DSCC1: variants seen among roughly 807,000 people sequenced by gnomAD.
DSCC1 encodes sister chromatid cohesion protein DCC1.
Under a neutral mutation model 48.2 loss-of-function variants are expected in DSCC1, and 32 were observed. The ratio of observed to expected loss-of-function variants is 0.66; its 90% confidence interval spans 0.50 to 0.89. The LOEUF (loss-of-function observed/expected upper bound fraction) is 0.89. Among genes scored for constraint, DSCC1 ranks in the 40% least tolerant of loss-of-function variants. The pLI, the probability that DSCC1 is intolerant of heterozygous loss-of-function variation, is 0.00. For synonymous variants in DSCC1, 150 were observed against 171.5 expected, an observed-to-expected ratio of 0.87 and a Z score of 0.98; for missense variants, 421 against 471.7, an observed-to-expected ratio of 0.89 and a Z score of 1.00.
intron 7 of DSCC1, among the ~76,000 whole-genome samples, chr8:119,841,078 G>A (rs781691851): frequency 3.3e-5 from 5 of 151,314 alleles, no homozygotes; most frequent in Non-Finnish European, 5.9e-5. Context: ...TGCAACCTCC[G>A]CCTCCCAGGT....
intron 2 of DSCC1, 166 bp downstream of exon 2, chr8:119,852,880 CA>C (rs2131311973): frequency 1.8e-6 from 1 of 550,262 alleles, no homozygotes; most frequent in East Asian, 3.4e-5. Context: ...CTCCAACAAA[CA>C]AGCAATAATA....
chr8:119,850,294 A>T (rs562376861), intron 3 of DSCC1, 88 bp downstream of exon 3: 1 of 1,360,810 alleles, frequency 7.3e-7, no homozygotes, highest in East Asian at 2.5e-5. Context: ...GCTATATAAC[A>T]TAAATTTTAA....
intron 8 of DSCC1, 44 bp from the exon 9 acceptor site, chr8:119,835,045 AC>A: frequency 7.7e-7 from 1 of 1,293,628 alleles, no homozygotes; most frequent in Non-Finnish European, 1.1e-6. Context: ...ATTTTAGGGA[AC>A]ATATTATGAT....
intron 7 of DSCC1, chr8:119,839,833 C>T (rs1238192401): frequency 6.6e-6 from 1 of 152,238 alleles, no homozygotes; most frequent in Non-Finnish European, 1.5e-5. Flanking sequence ...GCTTTCCCTC[C>T]ATCTAGAGAG....
Position 119,838,350 on chromosome 8 carries a change from C to T in DSCC1, c.982G>A (p.Asp328Asn), listed in dbSNP as rs1826717151. 1.2e-6 allele frequency: 2 copies of T among 1,609,774 alleles called. No homozygotes were observed. Among genetic ancestry groups the T allele is most frequent in the African/African-American group, 2.7e-5 (2 of 74,988 alleles). Reference sequence around the variant, plus strand: ...TCCTGATTATCCTCAGGTAAATCATCTACTTTCAGCAAAAATATGATTTCT... The same window carrying T: ...TCCTGATTATCCTCAGGTAAATCATTTACTTTCAGCAAAAATATGATTTCT... ...RPEIIFLLKV[D>N]DLPEDNQERF... Residue 328 changes from aspartate to asparagine, a missense_variant, in exon 8 of 9, where the codon GAT (aspartate) becomes AAT (asparagine). Physicochemically the swap from Asp to Asn is conservative, Grantham distance 23. Around this residue, in one of 3 missense-constraint regions of DSCC1, gnomAD observed 238 missense variants for 259.0 expected, o/e 0.92. Transcript: ENST00000313655.
chr8:119,836,284 A>G (rs1464079258), intron 8 of DSCC1, among the ~76,000 whole-genome samples: 1 of 152,168 alleles, frequency 6.6e-6, no homozygotes, highest in African/African-American at 2.4e-5. Context: ...CTGCACTCCA[A>G]CCTGGGCAAC....
At chr8:119,836,295 A>AGAGT (rs1032342224) in intron 8 of DSCC1, among the ~76,000 whole-genome samples, 12 of 152,238 alleles carry the variant, frequency 7.9e-5, no homozygotes, top group Non-Finnish European at 1.5e-4. Flanking sequence ...CCTGGGCAAC[A>AGAGT]GAGTGAGACT....
intron 8 of DSCC1, among the ~76,000 whole-genome samples, 196 bp downstream of exon 8, chr8:119,838,063 G>C (rs554101376): frequency 3.3e-5 from 5 of 152,284 alleles, no homozygotes; most frequent in African/African-American, 4.8e-5. Context: ...GTGAGGAACA[G>C]AGATAACACA....
chr8:119,850,795 G>GA (rs1023221891), intron 2 of DSCC1, among the ~76,000 whole-genome samples: 3 of 151,936 alleles, frequency 2.0e-5, no homozygotes, highest in African/African-American at 7.2e-5. Context: ...AGTATGCCCA[G>GA]AAAAAATGAC....
In DSCC1 at chr8:119,841,832, C is replaced by A; in HGVS notation, c.886G>T (p.Val296Phe). The A allele has an allele frequency of 6.2e-7, 1 of 1,614,102 alleles. No homozygotes were observed. Residue 296 changes from valine to phenylalanine, a missense_variant, in exon 7 of 9, where the codon GTT becomes TTT. By Grantham distance (50) the Val-to-Phe change is conservative. Around this residue, in one of 3 missense-constraint regions of DSCC1, gnomAD observed 238 missense variants for 259.0 expected, o/e 0.92. Transcript: ENST00000313655. ...AEFQEVWQQS[V>F]PEGMVTSLDQ... Reference sequence around the variant, plus strand: ...AGACTAGTTACCATTCCTTCAGGAACACTCTGCTGCCACACTTCTTGAAAC... The same window carrying A: ...AGACTAGTTACCATTCCTTCAGGAAAACTCTGCTGCCACACTTCTTGAAAC...
chr8:119,847,226 TCTACACAAAATCAATGGATGTCTTAGAAA>T (rs1486018085), intron 3 of DSCC1, 146 bp from the exon 4 acceptor site: 1 of 652,982 alleles, frequency 1.5e-6, no homozygotes, highest in Non-Finnish European at 2.6e-6. Flanking sequence ...TGTAATGATT[TCTACACAAAATCAATGGATGTCTTAGAAA>T]ACAAATAGAG....
In DSCC1 at chr8:119,841,746, G is replaced by A. The variant is rs115414296; in HGVS notation, c.924+48C>T. 3,218 of 1,589,256 alleles carry A rather than the reference G, an allele frequency of 2.0e-3. 52 individuals carry two copies. The African/African-American group carries it at 0.038, about 19-fold the overall frequency. Reference sequence around the variant, plus strand: ...CTCCAACTCAAGTATCATTCACCTAGTAATTAATCAACTGTTGAAGTAAGG... The same window carrying A: ...CTCCAACTCAAGTATCATTCACCTAATAATTAATCAACTGTTGAAGTAAGG... On this transcript the variant is annotated intron_variant, in intron 7 of 8. Transcript: ENST00000313655.
chr8:119,836,353 T>C (rs1586574192), intron 8 of DSCC1, among the ~76,000 whole-genome samples: 1 of 152,148 alleles, frequency 6.6e-6, no homozygotes, highest in Admixed American at 6.5e-5. Flanking sequence ...TTATGGAAGA[T>C]GAGCAGTGGA....
At chr8:119,842,673 A>T in intron 6 of DSCC1, 103 bp downstream of exon 6, 1 of 1,059,532 alleles carries the variant, frequency 9.4e-7, no homozygotes, top group South Asian at 1.3e-5. Flanking sequence ...GGTGTGAGCC[A>T]CTGCACCCAG....
rs1222865374 is a variant in DSCC1, at chr8:119,838,163, C to G, written c.1073+96G>C. ...AGGGAAGCAGTATCCTCAGGGAATACTCAAGAAAATTGTGTTCCAATCATA... is the reference window on the plus strand; with the variant it reads ...AGGGAAGCAGTATCCTCAGGGAATAGTCAAGAAAATTGTGTTCCAATCATA... On this transcript the variant is annotated intron_variant, in intron 8 of 8. Coordinates refer to ENST00000313655, the MANE Select transcript of DSCC1 (RefSeq NM_024094.3). 14 of 1,357,958 alleles carry G rather than the reference C, an allele frequency of 1.0e-5. No homozygotes were observed. In the Admixed American group the frequency reaches 3.9e-4, roughly 38 times the overall value. The allele number at this position is 1,357,958 out of a possible 1,614,324, so 84.1% of individuals were successfully genotyped here.
chr8:119,842,082 G>GT (rs71304912), intron 6 of DSCC1, 134 bp from the exon 7 acceptor site: 338,694 of 897,878 alleles, frequency 0.38, 54,485 homozygotes, highest in East Asian at 0.51. Context: ...CCCATAGTTC[G>GT]TTTTTTTTTG....
Position 119,842,792 on chromosome 8 carries a change from C to A in DSCC1, c.753G>T (p.Lys251Asn), listed in dbSNP as rs1274242166. 4 of 1,604,814 alleles carry A rather than the reference C, an allele frequency of 2.5e-6. No individual in the cohort carries two copies. The highest frequency in any genetic ancestry group is 1.7e-6 in the Non-Finnish European group (2 of 1,176,306). The change falls in exon 6 of 9, where the codon AAG becomes AAT. Residue 251 changes from lysine (K) to asparagine (N), a missense_variant. Coordinates refer to ENST00000313655, the MANE Select transcript of DSCC1 (RefSeq NM_024094.3). Reference sequence around the variant, plus strand: ...AAATCTTACCTTCATCTACATATTTCTTCCCATAACATTTAAGACAGTGTT... The same window carrying A: ...AAATCTTACCTTCATCTACATATTTATTCCCATAACATTTAAGACAGTGTT... ...MIEHCLKCYG[K>N]KYVDEGEVYF...
At chr8:119,845,413 C>T (rs893164876) in intron 4 of DSCC1, among the ~76,000 whole-genome samples, 5 of 151,962 alleles carry the variant, frequency 3.3e-5, no homozygotes, top group Non-Finnish European at 5.9e-5. Context: ...ATTGATGGCA[C>T]GACCACCACC....
chr8:119,834,970 C>T lies in DSCC1; in HGVS notation c.1105G>A (p.Ala369Thr). 6.2e-7 allele frequency: 1 copy of T among 1,608,554 alleles called. No individual in the cohort carries two copies. The highest frequency in any genetic ancestry group is 8.5e-7 in the Non-Finnish European group (1 of 1,177,484). ...GAATGAGAATATTTAGTGAGTAATGCACCTATGGTTTGCTTCTCTCCACAC... is the reference window on the plus strand; with the variant it reads ...GAATGAGAATATTTAGTGAGTAATGTACCTATGGTTTGCTTCTCTCCACAC... ...DLCGEKQTIGALLTKYSHSSM... is the reference protein window; with the variant it reads ...DLCGEKQTIGTLLTKYSHSSM... The change falls in exon 9 of 9, where the codon GCA becomes ACA. Residue 369 changes from alanine (A) to threonine (T), a missense_variant. Ala to Thr is a moderately conservative substitution (Grantham distance 58). This residue lies in a region of DSCC1 where 238 missense variants were observed against 259.0 expected (regional missense o/e 0.92). Transcript: ENST00000313655.
Sources: gnomAD v4.1 joint callset for allele counts (sites outside exome capture counted in the v4.1 genomes callset) on GRCh38, gnomAD v4.1.1 for gene constraint, gnomAD v4.1.1 regional missense constraint, MANE v1.5 for transcripts, NCBI Gene and HGNC (gene_info 2026-07-23, HGNC 2026-07-21) for gene names.